Variants in TAS2R1 observed in about 807,000 individuals in gnomAD.
The protein encoded by TAS2R1 is taste 2 receptor member 1.
For synonymous variants in TAS2R1, 141 were observed against 134.2 expected, an observed-to-expected ratio of 1.05 and a Z score of -0.35; for missense variants, 370 against 353.4, an observed-to-expected ratio of 1.05 and a Z score of -0.38.
the TAS2R1 span, among the ~76,000 whole-genome samples, chr5:9,728,488 A>G: frequency 6.6e-6 from 1 of 152,220 alleles, no homozygotes; most frequent in Non-Finnish European, 1.5e-5. Flanking sequence ...GTTTTCAAAT[A>G]TTCAAGGTAG....
At chr5:9,633,294 T>TTTTATATATATATATATATATATATATA (rs1554051825), upstream of TAS2R1, among the ~76,000 whole-genome samples, 12 of 67,816 alleles carry the variant, frequency 1.8e-4, no homozygotes, top group African/African-American at 6.4e-4. Flanking sequence ...TGTGTGTATA[T>TTTTATATATATATATATATATATATATA]TATATATATA....
the TAS2R1 span, among the ~76,000 whole-genome samples, chr5:9,781,582 C>T: frequency 2.0e-5 from 3 of 152,190 alleles, no homozygotes; most frequent in Non-Finnish European, 2.9e-5. Flanking sequence ...GAGATCTGTC[C>T]CCTTTTCCTC....
intron 2 of TAS2R1, among the ~76,000 whole-genome samples, chr5:9,637,592 T>C (rs1739989002): frequency 6.6e-6 from 1 of 152,168 alleles, no homozygotes; most frequent in Non-Finnish European, 1.5e-5. Context: ...TTTAACATAA[T>C]CCCAAATTTC....
Position 9,636,988 on chromosome 5 carries a change from T to G in TAS2R1, c.-80-6996A>C, listed in dbSNP as rs532174790. Among the ~76,000 whole-genome samples the G allele has an allele frequency of 2.6e-5, 4 of 151,238 alleles. No individual in the cohort carries two copies. The East Asian group carries it at 7.7e-4, about 29-fold the overall frequency. ...CTAGTTGTTGCCTTAATACCTTGTTTTTTTTTTTCCATTGTGTTATTATTT... is the reference window on the plus strand; with the variant it reads ...CTAGTTGTTGCCTTAATACCTTGTTGTTTTTTTTCCATTGTGTTATTATTT... On this transcript the variant is annotated intron_variant, in intron 2 of 2. Transcript: ENST00000506620.
At chr5:9,894,018 G>A in the TAS2R1 span, among the ~76,000 whole-genome samples, 1 of 152,324 alleles carries the variant, frequency 6.6e-6, no homozygotes, top group African/African-American at 2.4e-5. Flanking sequence ...GAATGTAACT[G>A]TGTTTGGACA....
rs1273550952 is a variant in TAS2R1, at chr5:9,627,772, T to C, written c.*1361A>G. Among the ~76,000 whole-genome samples the C allele has an allele frequency of 2.0e-5, 3 of 152,202 alleles. No homozygotes were observed. The highest frequency in any genetic ancestry group is 4.4e-5 in the Non-Finnish European group (3 of 68,028). On this transcript the variant is annotated 3_prime_UTR_variant, in exon 1 of 1. Transcript: ENST00000382492. ...GTGGGAAAATGAAATAGCAGGAAGA[T>C]GGAGGCTGTCATTTTGCTCCTTGGG...
chr5:9,847,218 C>G, the TAS2R1 span, among the ~76,000 whole-genome samples: 1 of 152,232 alleles, frequency 6.6e-6, no homozygotes, highest in Non-Finnish European at 1.5e-5. Flanking sequence ...ATATTCATAT[C>G]ATATTCAGGT....
chr5:9,657,186 T>A (rs1174346062), intron 2 of TAS2R1, among the ~76,000 whole-genome samples: 4 of 152,176 alleles, frequency 2.6e-5, no homozygotes, highest in Non-Finnish European at 4.4e-5. Context: ...TGAGTTTTTT[T>A]AATTTTTCTT....
the TAS2R1 span, among the ~76,000 whole-genome samples, chr5:9,793,199 T>A: frequency 1.3e-5 from 2 of 152,136 alleles, no homozygotes; most frequent in Non-Finnish European, 2.9e-5. Context: ...CTTTGTGGGC[T>A]TTTTGTTCCT....
the TAS2R1 span, among the ~76,000 whole-genome samples, chr5:9,795,446 C>G: frequency 6.6e-6 from 1 of 152,114 alleles, no homozygotes; most frequent in Non-Finnish European, 1.5e-5. Flanking sequence ...CAGGGTTTCC[C>G]TATTCTCAGC....
At chr5:9,890,743 C>T in the TAS2R1 span, among the ~76,000 whole-genome samples, 2 of 152,128 alleles carry the variant, frequency 1.3e-5, no homozygotes, top group South Asian at 2.1e-4. Context: ...TTTGTCAATT[C>T]GATATTTAAA....
At chr5:9,865,896 C>G in the TAS2R1 span, among the ~76,000 whole-genome samples, 7 of 152,156 alleles carry the variant, frequency 4.6e-5, no homozygotes, top group African/African-American at 1.4e-4. Flanking sequence ...TGTATTTATC[C>G]TGCTGAGGCT....
chr5:9,848,703 T>C, the TAS2R1 span, among the ~76,000 whole-genome samples: 2 of 151,730 alleles, frequency 1.3e-5, no homozygotes, highest in African/African-American at 4.8e-5. Flanking sequence ...ACACTGTAAA[T>C]TTATACAATT....
chr5:9,883,034 A>C, the TAS2R1 span, among the ~76,000 whole-genome samples: 36 of 152,206 alleles, frequency 2.4e-4, no homozygotes, highest in African/African-American at 8.0e-4. Context: ...ACCACGAAAT[A>C]CTAGGTAGCC....
the TAS2R1 span, among the ~76,000 whole-genome samples, chr5:9,800,731 A>G: frequency 1.3e-5 from 2 of 152,296 alleles, no homozygotes; most frequent in African/African-American, 4.8e-5. Context: ...CCTCTTTCAA[A>G]TTATCCATTG....
At chr5:9,840,463 T>C in the TAS2R1 span, among the ~76,000 whole-genome samples, 1 of 152,328 alleles carries the variant, frequency 6.6e-6, no homozygotes, top group African/African-American at 2.4e-5. Flanking sequence ...CTATAAAGAT[T>C]AGGGCATGCA....
chr5:9,749,408 T>G, the TAS2R1 span, among the ~76,000 whole-genome samples: 2 of 152,214 alleles, frequency 1.3e-5, no homozygotes, highest in Non-Finnish European at 2.9e-5. Context: ...GGCATAGTGA[T>G]GTAGCTGATA....
At chr5:9,752,556 AT>A in the TAS2R1 span, among the ~76,000 whole-genome samples, 3 of 151,630 alleles carry the variant, frequency 2.0e-5, no homozygotes, top group Admixed American at 6.6e-5. Context: ...CAAATATATC[AT>A]TTTTTTTATA....
At chr5:9,893,989 C>A in the TAS2R1 span, among the ~76,000 whole-genome samples, 1 of 152,150 alleles carries the variant, frequency 6.6e-6, no homozygotes, top group Admixed American at 6.5e-5. Context: ...CTGTTAAAGT[C>A]CTAACCCCCA....
Sources: allele counts gnomAD v4.1 joint callset (sites outside exome capture counted in the v4.1 genomes callset), GRCh38; gene constraint gnomAD v4.1.1; transcripts MANE v1.5; gene names NCBI Gene and HGNC (gene_info 2026-07-23, HGNC 2026-07-21).